Variants in RBMS3 observed in about 807,000 individuals in gnomAD.
RBMS3 encodes the protein RNA-binding motif, single-stranded-interacting protein 3.
Under a neutral mutation model 66.8 loss-of-function variants are expected in RBMS3, and 27 were observed. That is an observed-to-expected ratio of 0.40 (90% CI 0.30 to 0.56). The LOEUF (loss-of-function observed/expected upper bound fraction) is 0.56, where lower values mean the gene tolerates loss of function less well. Among genes scored for constraint, RBMS3 ranks in the 20% least tolerant of loss-of-function variants. The pLI, the probability that RBMS3 is intolerant of heterozygous loss-of-function variation, is 0.40. For synonymous variants in RBMS3, 188 were observed against 183.0 expected (o/e 1.03, Z -0.22); for missense variants, 513 against 549.5 (o/e 0.93, Z 0.66).
intron 2 of RBMS3, among the ~76,000 whole-genome samples, chr3:29,483,769 T>G (rs80049197): frequency 6.6e-6 from 1 of 152,220 alleles, no homozygotes; most frequent in East Asian, 1.9e-4. Flanking sequence ...TCATTCCTCA[T>G]TGACAAAATA....
intron 3 of RBMS3, among the ~76,000 whole-genome samples, chr3:29,546,425 A>G (rs1382477051): frequency 6.6e-6 from 1 of 152,152 alleles, no homozygotes; most frequent in Non-Finnish European, 1.5e-5. Flanking sequence ...CCACAACTGT[A>G]TGACTCTAAC....
At chr3:29,876,642 C>T (rs182806412) in intron 7 of RBMS3, among the ~76,000 whole-genome samples, 1 of 152,080 alleles carries the variant, frequency 6.6e-6, no homozygotes, top group African/African-American at 2.4e-5. Flanking sequence ...TTCAGTGGCA[C>T]CTGGAGAAAG....
chr3:29,822,822 T>C (rs1313303042), intron 6 of RBMS3, among the ~76,000 whole-genome samples: 3 of 152,188 alleles, frequency 2.0e-5, no homozygotes, highest in African/African-American at 7.2e-5. Context: ...GCTGCCATAT[T>C]ACATTTGAGG....
At chr3:29,830,998 T>C (rs966600251) in intron 6 of RBMS3, among the ~76,000 whole-genome samples, 2 of 152,166 alleles carry the variant, frequency 1.3e-5, no homozygotes, top group African/African-American at 4.8e-5. Flanking sequence ...GTTAAAGCCA[T>C]TTCAGTAATG....
chr3:29,518,340 TTA>T (rs1252490811), intron 3 of RBMS3, among the ~76,000 whole-genome samples: 5 of 152,200 alleles, frequency 3.3e-5, no homozygotes, highest in Non-Finnish European at 7.3e-5. Context: ...ATTTTATGAG[TTA>T]TCATGTCATG....
intron 12 of RBMS3, among the ~76,000 whole-genome samples, chr3:29,963,521 G>T (rs998265437): frequency 2.0e-5 from 3 of 152,132 alleles, no homozygotes; most frequent in Non-Finnish European, 2.9e-5. Context: ...ACACTTAAGA[G>T]AATCACAATG....
intron 1 of RBMS3, among the ~76,000 whole-genome samples, chr3:29,417,964 C>T (rs1460592132): frequency 3.3e-5 from 5 of 152,124 alleles, no homozygotes; most frequent in Non-Finnish European, 7.4e-5. Flanking sequence ...TCTTGACTAA[C>T]AGGAAGACCA....
At chr3:29,686,826 A>G (rs541848654) in intron 4 of RBMS3, among the ~76,000 whole-genome samples, 10 of 152,290 alleles carry the variant, frequency 6.6e-5, no homozygotes, top group African/African-American at 2.4e-4. Flanking sequence ...AACTTAACAA[A>G]TGTTTATTGT....
intron 6 of RBMS3, among the ~76,000 whole-genome samples, chr3:29,773,109 C>T (rs895691130): frequency 1.3e-5 from 2 of 151,780 alleles, no homozygotes; most frequent in African/African-American, 4.8e-5. Flanking sequence ...GTTATTAGGG[C>T]CTAGAAAAAC....
intron 12 of RBMS3, 117 bp from the exon 13 acceptor site, chr3:29,988,026 G>GA (rs1260258775): frequency 5.2e-6 from 4 of 772,514 alleles, no homozygotes; most frequent in East Asian, 5.4e-5. Context: ...ATTGAGCTGG[G>GA]AAAAAATACA....
chr3:29,371,333 G>C (rs1459196328), intron 1 of RBMS3, among the ~76,000 whole-genome samples: 1 of 152,166 alleles, frequency 6.6e-6, no homozygotes, highest in Admixed American at 6.5e-5. Context: ...ACATTTGATT[G>C]GTTTTGCCAG....
chr3:29,382,922 G>A (rs1271435668), intron 1 of RBMS3, among the ~76,000 whole-genome samples: 2 of 152,066 alleles, frequency 1.3e-5, no homozygotes, highest in African/African-American at 4.8e-5. Flanking sequence ...CATACTCATA[G>A]GCTCATCTGT....
At chr3:29,488,143 A>T (rs2043390657) in intron 2 of RBMS3, among the ~76,000 whole-genome samples, 1 of 152,230 alleles carries the variant, frequency 6.6e-6, no homozygotes, top group Admixed American at 6.5e-5. Context: ...TTCTTCCATG[A>T]ATCCACAGAG....
chr3:29,600,259 G>A (rs2048098569), intron 4 of RBMS3, among the ~76,000 whole-genome samples: 2 of 152,010 alleles, frequency 1.3e-5, no homozygotes, highest in South Asian at 4.1e-4. Context: ...CGATCCCCGT[G>A]TTGGAGCTGG....
At chr3:29,730,450 G>A (rs1469478923) in intron 4 of RBMS3, among the ~76,000 whole-genome samples, 1 of 152,156 alleles carries the variant, frequency 6.6e-6, no homozygotes, top group Admixed American at 6.5e-5. Flanking sequence ...GCAAGCCTAA[G>A]CTGTCATATT....
intron 6 of RBMS3, among the ~76,000 whole-genome samples, chr3:29,810,924 C>T (rs981770514): frequency 2.6e-5 from 4 of 152,138 alleles, no homozygotes; most frequent in African/African-American, 9.7e-5. Context: ...AAGCCTATTA[C>T]TTACTTTTGA....
intron 4 of RBMS3, among the ~76,000 whole-genome samples, chr3:29,676,755 C>T (rs1049382673): frequency 6.6e-6 from 1 of 152,026 alleles, no homozygotes; most frequent in African/African-American, 2.4e-5. Context: ...TTTTTAAATA[C>T]CTTTTAAAAA....
At position 29,870,632 on chromosome 3, in the gene RBMS3, T is replaced by C. The variant is rs528304872; in HGVS notation, c.744+1668T>C. 2.6e-5 allele frequency among the ~76,000 whole-genome samples: 4 copies of C among 152,286 alleles called. No homozygotes were observed. In the East Asian group the frequency reaches 7.7e-4, roughly 29 times the overall value. ...GAATCTAAGACTTTGCTTCAAAGCA[T>C]GAAAAATGCTATATGTACTATGATG... On this transcript the variant is annotated intron_variant, in intron 7 of 14. Coordinates refer to ENST00000383767, the MANE Select transcript of RBMS3 (RefSeq NM_001003793.3).
chr3:29,840,909 T>C (rs1412583848), intron 6 of RBMS3, among the ~76,000 whole-genome samples: 2 of 152,084 alleles, frequency 1.3e-5, no homozygotes, highest in East Asian at 3.9e-4. Context: ...TTATGCATAT[T>C]TTAAAGTATG....
Sources: allele counts gnomAD v4.1 joint callset (sites outside exome capture counted in the v4.1 genomes callset), GRCh38; gene constraint gnomAD v4.1.1; transcripts MANE v1.5; gene names NCBI Gene and HGNC (gene_info 2026-07-23, HGNC 2026-07-21).